The following HERC3 variants were observed in gnomAD, a reference collection of about 807,000 sequenced individuals.
HERC3 encodes the protein HECT and RLD domain containing E3 ubiquitin protein ligase 3, also known as probable E3 ubiquitin-protein ligase HERC3.
HERC3 carries 58 observed loss-of-function variants against 129.9 expected under a neutral mutation model. That is an observed-to-expected ratio of 0.45 (90% confidence interval 0.36 to 0.56). The LOEUF (loss-of-function observed/expected upper bound fraction) is 0.56, where lower values mean the gene tolerates loss of function less well. Ranked by LOEUF, HERC3 falls within the 20% of genes least tolerant of loss-of-function variation. The pLI, the probability that HERC3 is intolerant of heterozygous loss-of-function variation, is 0.00. For missense variants in HERC3, 835 were observed against 1,244.2 expected (o/e 0.67, Z 4.95); for synonymous variants, 430 against 451.0 (o/e 0.95, Z 0.59).
chr4:88,630,128 G>A (rs1350209857), intron 3 of HERC3, among the ~76,000 whole-genome samples: 1 of 152,120 alleles, frequency 6.6e-6, no homozygotes, highest in Non-Finnish European at 1.5e-5. Context: ...AGTGGATCTA[G>A]CACAGATTAA....
At position 88,605,806 on chromosome 4, in the gene HERC3, C is replaced by T; in HGVS notation, c.-18C>T. 1 of 1,597,460 alleles carries T rather than the reference C, an allele frequency of 6.3e-7. No homozygotes were observed. Among genetic ancestry groups the T allele is most frequent in the Non-Finnish European group, 8.6e-7 (1 of 1,164,940 alleles). ...AAACTCTCTCCTAGGCTACATGATT[C>T]CCTGAAAGATAAGAACAATGTTATG... On this transcript the variant is annotated 5_prime_UTR_variant, in exon 3 of 26. Coordinates refer to ENST00000402738, the MANE Select transcript of HERC3 (RefSeq NM_014606.3).
At chr4:88,668,653 A>G (rs1731288885) in intron 14 of HERC3, 1 of 154,294 alleles carries the variant, frequency 6.5e-6, no homozygotes, top group Non-Finnish European at 1.5e-5. Flanking sequence ...AAATGTTTTT[A>G]TTACTCAAGT....
chr4:88,631,137 T>C (rs1726700237), intron 3 of HERC3, among the ~76,000 whole-genome samples: 1 of 152,204 alleles, frequency 6.6e-6, no homozygotes, highest in Non-Finnish European at 1.5e-5. Flanking sequence ...AGGGCCAAGG[T>C]TAAAGTCACC....
chr4:88,618,221 A>C (rs1186932828), intron 3 of HERC3, among the ~76,000 whole-genome samples: 2 of 152,222 alleles, frequency 1.3e-5, no homozygotes, highest in Non-Finnish European at 2.9e-5. Flanking sequence ...CATGAATAAG[A>C]AACTGGAAGT....
intron 3 of HERC3, among the ~76,000 whole-genome samples, chr4:88,613,689 A>G (rs546939893): frequency 1.1e-3 from 175 of 152,350 alleles, no homozygotes; most frequent in Non-Finnish European, 1.8e-3. Context: ...TTCTATGGGC[A>G]TAACGCTGAT....
At chr4:88,633,106 G>A (rs1387916205) in intron 3 of HERC3, among the ~76,000 whole-genome samples, 1 of 152,204 alleles carries the variant, frequency 6.6e-6, no homozygotes, top group African/African-American at 2.4e-5. Flanking sequence ...GAAGAGAATT[G>A]TAAACTTAGA....
At chr4:88,529,311 A>G in the HERC3 span, among the ~76,000 whole-genome samples, 1 of 152,154 alleles carries the variant, frequency 6.6e-6, no homozygotes, top group Non-Finnish European at 1.5e-5. Flanking sequence ...AAAAAATAAA[A>G]AAGTTGGCTA....
intron 22 of HERC3, 55 bp downstream of exon 22, chr4:88,686,857 G>C: frequency 8.1e-7 from 1 of 1,233,748 alleles, no homozygotes; most frequent in Non-Finnish European, 1.2e-6. Flanking sequence ...ACCATCTTTA[G>C]AGTGATATTT....
intron 3 of HERC3, among the ~76,000 whole-genome samples, chr4:88,631,990 A>G (rs140229755): frequency 6.6e-6 from 1 of 152,188 alleles, no homozygotes; most frequent in African/African-American, 2.4e-5. Flanking sequence ...TTGAAGTACC[A>G]CTAAGCTGGC....
chr4:88,576,966 G>T, the HERC3 span, among the ~76,000 whole-genome samples: 1 of 152,204 alleles, frequency 6.6e-6, no homozygotes, highest in Non-Finnish European at 1.5e-5. Context: ...GCTATATGGT[G>T]TAAGGGAGGA....
chr4:88,558,260 T>G, the HERC3 span, among the ~76,000 whole-genome samples: 1 of 151,972 alleles, frequency 6.6e-6, no homozygotes, highest in Non-Finnish European at 1.5e-5. Flanking sequence ...TAAGTGCCCC[T>G]CGACCAATGA....
rs773976067 is a variant in HERC3 at position 88,654,038 on chromosome 4, C to A, written c.686-4C>A. Reference sequence around the variant, plus strand: ...GTGATATTCTGATATTTAATTTATTCTAGATCGAGAATCTCCATGCCATGT... The same window carrying A: ...GTGATATTCTGATATTTAATTTATTATAGATCGAGAATCTCCATGCCATGT... On this transcript the variant is annotated splice_polypyrimidine_tract_variant and splice_region_variant and intron_variant, in intron 6 of 25. Coordinates refer to ENST00000402738, the MANE Select transcript of HERC3 (RefSeq NM_014606.3). The A allele has an allele frequency of 6.3e-7, 1 of 1,598,896 alleles. No individual in the cohort carries two copies. The highest frequency in any genetic ancestry group is 1.1e-5 in the South Asian group (1 of 90,646).
intron 2 of HERC3, among the ~76,000 whole-genome samples, chr4:88,602,257 T>C (rs375381655): frequency 1.3e-5 from 2 of 150,324 alleles, no homozygotes. Context: ...AAAAAAATAG[T>C]GGGGTGTGGT....
Position 88,649,975 on chromosome 4 carries a change from C to T in HERC3, c.362C>T (p.Thr121Ile), listed in dbSNP as rs778426656. The stretch of plus-strand genomic sequence containing the variant: ...GATGGTCAGCTAGGACTCATGACTA[C>T]TGAGGATTCTGTGGCAGTGCCCAGG... ...GSDGQLGLMT[T>I]EDSVAVPRLI... The change falls in exon 4 of 26, where the codon ACT (threonine) becomes ATT (isoleucine). Residue 121 changes from threonine (T) to isoleucine (I), a missense_variant. Physicochemically the swap from Thr to Ile is moderately conservative, Grantham distance 89. Transcript: ENST00000402738. 1.2e-6 allele frequency: 2 copies of T among 1,613,900 alleles called. No homozygotes were observed. Among genetic ancestry groups the T allele is most frequent in the African/African-American group, 2.7e-5 (2 of 74,916 alleles).
At chr4:88,655,826 A>G in intron 8 of HERC3, 49 bp from the exon 9 acceptor site, 1 of 1,563,876 alleles carries the variant, frequency 6.4e-7, no homozygotes, top group Non-Finnish European at 8.7e-7. Context: ...CAGAGTGTAC[A>G]TCCACATTAG....
chr4:88,605,717 T>C (rs1291701152), intron 2 of HERC3, 78 bp from the exon 3 acceptor site: 8 of 764,264 alleles, frequency 1.0e-5, no homozygotes, highest in Non-Finnish European at 1.7e-5. Context: ...ATTTTTAAAA[T>C]TGGTTACATT....
At chr4:88,681,635 A>G (rs1471111199) in intron 21 of HERC3, among the ~76,000 whole-genome samples, 3 of 152,194 alleles carry the variant, frequency 2.0e-5, no homozygotes, top group Admixed American at 6.5e-5. Flanking sequence ...GACCTTCCAT[A>G]TCCTTGGGTT....
the HERC3 span, among the ~76,000 whole-genome samples, chr4:88,551,313 C>A: frequency 1.3e-5 from 2 of 149,612 alleles, no homozygotes; most frequent in African/African-American, 4.9e-5. Context: ...AGCTTCTGCA[C>A]AGCAAAAGAA....
chr4:88,598,910 G>A (rs973483043), intron 2 of HERC3, among the ~76,000 whole-genome samples: 21 of 152,172 alleles, frequency 1.4e-4, no homozygotes, highest in African/African-American at 5.1e-4. Flanking sequence ...TTTGTCATGG[G>A]GAAATAAGAG....
Sources: allele counts gnomAD v4.1 joint callset (sites outside exome capture counted in the v4.1 genomes callset), GRCh38; gene constraint gnomAD v4.1.1; transcripts MANE v1.5; gene names NCBI Gene and HGNC (gene_info 2026-07-23, HGNC 2026-07-21).